Variants in DENND1B observed in about 807,000 individuals in gnomAD.
The protein encoded by DENND1B is DENN domain containing 1B.
In DENND1B, 59 loss-of-function variants were observed where a neutral mutation model predicts 90.1. The observed-to-expected ratio is 0.65, with a 90% CI of 0.53 to 0.81. DENND1B has a LOEUF of 0.81. Among genes scored for constraint, DENND1B ranks in the 40% least tolerant of loss-of-function variants. The pLI, the probability that DENND1B is intolerant of heterozygous loss-of-function variation, is 0.00. For missense variants in DENND1B, 862 were observed against 912.6 expected, an observed-to-expected ratio of 0.94 and a Z score of 0.71; for synonymous variants, 337 against 324.6, an observed-to-expected ratio of 1.04 and a Z score of -0.41.
At chr1:197,544,819 GGAGGAAGAAGAGGAAGAGGAGGAAGAA>G (rs1670613237) in intron 18 of DENND1B, among the ~76,000 whole-genome samples, 4 of 139,768 alleles carry the variant, frequency 2.9e-5, no homozygotes, top group Non-Finnish European at 4.6e-5. Context: ...AAGAGGAAGA[GGAGGAAGAAGAGGAAGAGGAGGAAGAA>G]GAGGAAGAAG....
intron 15 of DENND1B, among the ~76,000 whole-genome samples, chr1:197,566,713 A>G (rs1440159539): frequency 6.6e-6 from 1 of 152,076 alleles, no homozygotes; most frequent in East Asian, 1.9e-4. Context: ...GTTTTTACAG[A>G]GTCTACAACA....
At chr1:197,771,069 G>A (rs557573173) in intron 2 of DENND1B, among the ~76,000 whole-genome samples, 19 of 151,518 alleles carry the variant, frequency 1.3e-4, no homozygotes, top group Middle Eastern at 3.4e-3. Flanking sequence ...AGGCCACCAT[G>A]CCTGCATAAT....
At chr1:197,521,846 T>C (rs1178414227) in intron 20 of DENND1B, among the ~76,000 whole-genome samples, 2 of 152,044 alleles carry the variant, frequency 1.3e-5, no homozygotes, top group Non-Finnish European at 2.9e-5. Context: ...ATATCTACTA[T>C]ACAACAAATT....
intron 15 of DENND1B, among the ~76,000 whole-genome samples, chr1:197,559,573 A>C (rs1374634791): frequency 1.3e-5 from 2 of 151,980 alleles, no homozygotes; most frequent in African/African-American, 4.8e-5. Context: ...TAATAGATTC[A>C]AGTCTTGAGA....
chr1:197,626,294 TAAAAGA>T (rs906794728), intron 10 of DENND1B, among the ~76,000 whole-genome samples: 4 of 152,006 alleles, frequency 2.6e-5, no homozygotes, highest in African/African-American at 9.7e-5. Flanking sequence ...TCAGCAAATA[TAAAAGA>T]ACAGAAATTA....
chr1:197,717,687 C>T (rs893390927), intron 2 of DENND1B, among the ~76,000 whole-genome samples: 1 of 151,804 alleles, frequency 6.6e-6, no homozygotes, highest in African/African-American at 2.4e-5. Flanking sequence ...ACTATTAAGG[C>T]TTTTTTAAAA....
At chr1:197,732,885 C>T (rs950245909) in intron 2 of DENND1B, among the ~76,000 whole-genome samples, 1 of 152,174 alleles carries the variant, frequency 6.6e-6, no homozygotes, top group Non-Finnish European at 1.5e-5. Flanking sequence ...CACTAAGATG[C>T]AACCATCTCC....
intron 20 of DENND1B, among the ~76,000 whole-genome samples, chr1:197,528,783 C>T (rs1014171826): frequency 3.3e-5 from 5 of 151,140 alleles, no homozygotes; most frequent in Non-Finnish European, 7.4e-5. Flanking sequence ...TGGCGTGAAC[C>T]CGGGAGGCGG....
chr1:197,528,895 G>C (rs923390184), intron 20 of DENND1B, among the ~76,000 whole-genome samples: 1 of 151,214 alleles, frequency 6.6e-6, no homozygotes, highest in African/African-American at 2.4e-5. Context: ...GCATTCAAAA[G>C]ATAACTCTTT....
At chr1:197,769,155 C>T (rs1656091053) in intron 2 of DENND1B, among the ~76,000 whole-genome samples, 1 of 152,164 alleles carries the variant, frequency 6.6e-6, no homozygotes, top group Non-Finnish European at 1.5e-5. Context: ...ACTCTAAATA[C>T]ATTTTCTATT....
At chr1:197,753,922 C>T (rs960390810) in intron 2 of DENND1B, among the ~76,000 whole-genome samples, 2 of 152,056 alleles carry the variant, frequency 1.3e-5, no homozygotes, top group Admixed American at 6.6e-5. Flanking sequence ...ATCGCTTAAA[C>T]CCGGGAGGCG....
intron 10 of DENND1B, among the ~76,000 whole-genome samples, chr1:197,636,314 G>C (rs1240752740): frequency 6.6e-6 from 1 of 152,120 alleles, no homozygotes; most frequent in Non-Finnish European, 1.5e-5. Flanking sequence ...CAAAGACGAG[G>C]AAAAAAGTCA....
intron 2 of DENND1B, among the ~76,000 whole-genome samples, chr1:197,772,633 G>C (rs558770419): frequency 6.6e-6 from 1 of 152,194 alleles, no homozygotes; most frequent in South Asian, 2.1e-4. Context: ...GACCAGCCTG[G>C]GCAACGTGGT....
chr1:197,693,044 T>C (rs1658070140), intron 3 of DENND1B, among the ~76,000 whole-genome samples: 1 of 151,714 alleles, frequency 6.6e-6, no homozygotes, highest in African/African-American at 2.4e-5. Context: ...CATGCTAACT[T>C]TTCCCTAATC....
chr1:197,672,677 T>C (rs1339055406), intron 4 of DENND1B, among the ~76,000 whole-genome samples: 1 of 152,044 alleles, frequency 6.6e-6, no homozygotes, highest in Non-Finnish European at 1.5e-5. Context: ...GTTATATTTT[T>C]TCTAGAATTC....
intron 3 of DENND1B, among the ~76,000 whole-genome samples, chr1:197,690,944 A>G (rs1480739612): frequency 6.6e-6 from 1 of 152,042 alleles, no homozygotes; most frequent in African/African-American, 2.4e-5. Flanking sequence ...AAATAGACTT[A>G]AACATAAGAC....
At chr1:197,551,831 C>G (rs1274513216) in intron 16 of DENND1B, among the ~76,000 whole-genome samples, 3 of 152,100 alleles carry the variant, frequency 2.0e-5, no homozygotes, top group Non-Finnish European at 4.4e-5. Context: ...CACAAAAGTT[C>G]CATTGAAGCT....
At position 197,617,647 on chromosome 1, in the gene DENND1B, A is replaced by G. The variant is rs1439738213; in HGVS notation, c.773+12T>C. The G allele has an allele frequency of 6.2e-7, 1 of 1,600,266 alleles. No homozygotes were observed. Among genetic ancestry groups the G allele is most frequent in the South Asian group, 1.1e-5 (1 of 90,638 alleles). ...ACCTAAACTTAAAGGAGTCTGGCAA[A>G]AGCCAGCTTACCAGCAGTAGTCCAG... On this transcript the variant is annotated intron_variant, in intron 11 of 22. Transcript: ENST00000620048.
In DENND1B at chr1:197,531,263, A is replaced by G. The variant is rs531770373; in HGVS notation, c.1515+8701T>C. Among the ~76,000 whole-genome samples, 6 of 152,354 alleles carry G rather than the reference A, an allele frequency of 3.9e-5. No homozygotes were observed. In the East Asian group the frequency reaches 9.6e-4, roughly 24 times the overall value. On this transcript the variant is annotated intron_variant, in intron 20 of 22. Coordinates refer to ENST00000620048, the MANE Select transcript of DENND1B (RefSeq NM_001195215.2). ...TCTAGGGCATTTTTCTACTATTTCA[A>G]CTGTATAAAAATTGAAGTTTGAAAA...
Sources: allele counts gnomAD v4.1 joint callset (sites outside exome capture counted in the v4.1 genomes callset), GRCh38; gene constraint gnomAD v4.1.1; transcripts MANE v1.5; gene names NCBI Gene and HGNC (gene_info 2026-07-23, HGNC 2026-07-21).